PGPEP1: variants seen among roughly 807,000 people sequenced by gnomAD.
PGPEP1 encodes pyroglutamyl-peptidase I.
In PGPEP1, 15 loss-of-function variants were observed where a neutral mutation model predicts 24.1. That is an observed-to-expected ratio of 0.62 (90% CI 0.42 to 0.96). PGPEP1 has a LOEUF of 0.96. PGPEP1 is among the 40% of genes least tolerant of loss of function. The probability of loss-of-function intolerance (pLI) is 0.00; values close to 1 mark genes in which losing one functional copy is unlikely to be tolerated. For synonymous variants in PGPEP1, 122 were observed against 116.4 expected (o/e 1.05, Z -0.31); for missense variants, 242 against 273.4 (o/e 0.89, Z 0.81).
chr19:18,342,769 T>C lies in PGPEP1; in HGVS notation c.35-90T>C. On this transcript the variant is annotated intron_variant, in intron 1 of 4. Coordinates refer to ENST00000269919, the MANE Select transcript of PGPEP1 (RefSeq NM_017712.4). Reference sequence around the variant, plus strand: ...GCAGCTGCGCCCTGAAGCTCCTTTCTTGCTTCTCCAGGTGGGAGTAGCGGC... The same window carrying C: ...GCAGCTGCGCCCTGAAGCTCCTTTCCTGCTTCTCCAGGTGGGAGTAGCGGC... 5.0e-6 allele frequency: 5 copies of C among 999,458 alleles called. 1 individual carries two copies. The highest frequency in any genetic ancestry group is 3.2e-5 in the African/African-American group (2 of 63,036). The allele number at this position is 999,458 out of a possible 1,614,324, so 61.9% of individuals were successfully genotyped here.
At chr19:18,353,869 A>G (rs1274967376) in intron 2 of PGPEP1, among the ~76,000 whole-genome samples, 1 of 152,026 alleles carries the variant, frequency 6.6e-6, no homozygotes, top group East Asian at 1.9e-4. Context: ...GATGGACCAT[A>G]TTTCATTTAT....
chr19:18,354,007 G>A (rs1251009316), intron 2 of PGPEP1, among the ~76,000 whole-genome samples: 2 of 152,140 alleles, frequency 1.3e-5, no homozygotes. Flanking sequence ...GGCCAAGGCA[G>A]GTGAATCACT....
chr19:18,360,416 G>A (rs1027210596), intron 4 of PGPEP1, among the ~76,000 whole-genome samples: 1 of 152,026 alleles, frequency 6.6e-6, no homozygotes, highest in Non-Finnish European at 1.5e-5. Context: ...GAGTGCAGTG[G>A]CAAAATCACA....
chr19:18,358,253 CTTTTTT>C (rs58979840), intron 4 of PGPEP1, among the ~76,000 whole-genome samples: 1 of 64,482 alleles, frequency 1.6e-5, no homozygotes, highest in East Asian at 4.6e-4. Flanking sequence ...TCCAGTATGA[CTTTTTT>C]TTTTTTTTTT....
chr19:18,346,434 G>A lies in PGPEP1; in HGVS notation c.87+3523G>A, dbSNP rs183000709. On this transcript the variant is annotated intron_variant, in intron 2 of 4. Coordinates refer to ENST00000269919, the MANE Select transcript of PGPEP1 (RefSeq NM_017712.4). Reference sequence around the variant, plus strand: ...GTGGCAATTGCTTCCTGCCGTGACCGATTTTTCGGAAGCTCCTCATCCTTC... The same window carrying A: ...GTGGCAATTGCTTCCTGCCGTGACCAATTTTTCGGAAGCTCCTCATCCTTC... Among the ~76,000 whole-genome samples, 8 of 152,178 alleles carry A rather than the reference G, an allele frequency of 5.3e-5. 1 individual carries two copies. In the South Asian group the frequency reaches 6.2e-4, roughly 12 times the overall value.
chr19:18,347,270 CT>C (rs59936417), intron 2 of PGPEP1, among the ~76,000 whole-genome samples: 1,875 of 94,334 alleles, frequency 0.02, 43 homozygotes, highest in African/African-American at 0.063. Flanking sequence ...TTCTTTCTTT[CT>C]TTTTTTTTTT....
Position 18,366,109 on chromosome 19 carries a change from C to T in PGPEP1, c.*2526C>T, listed in dbSNP as rs1271012289. On this transcript the variant is annotated 3_prime_UTR_variant, in exon 5 of 5. Transcript: ENST00000269919. ...CACCCAGAGGTCTGGTGGAAAGCAA[C>T]TTCAGGTTTCATCTTGCTCTATTCC... The T allele has an allele frequency of 6.6e-6, 1 of 152,156 alleles. No individual in the cohort carries two copies. Among genetic ancestry groups the T allele is most frequent in the Non-Finnish European group, 1.5e-5 (1 of 68,056 alleles). 9.4% of individuals were successfully genotyped at this position (152,156 alleles called of 1,614,324 possible). A position where few individuals can be genotyped will look rare whatever the true frequency, so the allele number is the denominator to read the frequency against.
intron 2 of PGPEP1, among the ~76,000 whole-genome samples, chr19:18,351,617 T>G (rs367559154): frequency 0.043 from 4,019 of 93,968 alleles, 218 homozygotes; most frequent in African/African-American, 0.15. Flanking sequence ...AAAGCAAAAC[T>G]CCGTCTCAAA....
Position 18,369,328 on chromosome 19 carries a change from C to T in PGPEP1, c.*5745C>T, listed in dbSNP as rs1971641754. 6.6e-6 allele frequency: 1 copy of T among 152,588 alleles called. No homozygotes were observed. Among genetic ancestry groups the T allele is most frequent in the Admixed American group, 6.5e-5 (1 of 15,268 alleles). The allele number at this position is 152,588 out of a possible 1,614,324, so 9.5% of individuals were successfully genotyped here. A position where few individuals can be genotyped will look rare whatever the true frequency, so the allele number is the denominator to read the frequency against. On this transcript the variant is annotated 3_prime_UTR_variant, in exon 5 of 5. Transcript: ENST00000269919. ...TGCTCTTTCTCCCCGCTGTGCCTCC[C>T]CCAGTTACCCACAGAAGTGCCTGCC...
intron 2 of PGPEP1, among the ~76,000 whole-genome samples, chr19:18,343,679 CTTTTTTT>C (rs3078437): frequency 1.1e-4 from 13 of 115,068 alleles, no homozygotes; most frequent in Admixed American, 1.0e-3. Context: ...GGATCTCCCT[CTTTTTTT>C]TTTTTTTTTT....
At chr19:18,349,091 A>G (rs8102906) in intron 2 of PGPEP1, 262,831 of 977,908 alleles carry the variant, frequency 0.27, 36,828 homozygotes, top group African/African-American at 0.36. Flanking sequence ...AAACACACAC[A>G]TGAACACCTC....
intron 2 of PGPEP1, among the ~76,000 whole-genome samples, chr19:18,350,457 G>GT (rs1414404748): frequency 6.6e-6 from 1 of 152,222 alleles, no homozygotes; most frequent in Non-Finnish European, 1.5e-5. Context: ...AGGCTTCAGT[G>GT]TAACGATCTC....
chr19:18,360,816 C>T (rs752406382), intron 4 of PGPEP1, among the ~76,000 whole-genome samples: 7 of 151,644 alleles, frequency 4.6e-5, no homozygotes, highest in Non-Finnish European at 1.0e-4. Flanking sequence ...TGAGCCACCG[C>T]GCCTGGCCTA....
Position 18,357,412 on chromosome 19 carries a change from G to A in PGPEP1, c.234G>A (p.Met78Ile), listed in dbSNP as rs1317969513. 1 of 1,613,950 alleles carries A rather than the reference G, an allele frequency of 6.2e-7. No individual in the cohort carries two copies. Among genetic ancestry groups the A allele is most frequent in the Non-Finnish European group, 8.5e-7 (1 of 1,179,948 alleles). The change falls in exon 4 of 5, where the codon ATG becomes ATA. Residue 78 changes from methionine to isoleucine, a missense_variant. Physicochemically the swap from Met to Ile is conservative, Grantham distance 10 (BLOSUM62 1). Transcript: ENST00000269919. ...QLVVHVGVSG[M>I]ATTVTLEKCG... is the part of the protein sequence containing the mutation. ...TGGTGCATGTGGGGGTGTCAGGCAT[G>A]GCGACCACAGTCACACTGGAGAAAT...
intron 2 of PGPEP1, among the ~76,000 whole-genome samples, chr19:18,344,909 G>A (rs1970789375): frequency 6.6e-6 from 1 of 152,112 alleles, no homozygotes. Flanking sequence ...TTCTCGGATG[G>A]TGAAGGATGG....
At chr19:18,352,762 A>G (rs536141908) in intron 2 of PGPEP1, among the ~76,000 whole-genome samples, 1 of 151,898 alleles carries the variant, frequency 6.6e-6, no homozygotes. Flanking sequence ...TTCCATGTTG[A>G]CCAGGGTAGT....
At chr19:18,341,911 A>G (rs1414466805) in intron 1 of PGPEP1, among the ~76,000 whole-genome samples, 1 of 144,684 alleles carries the variant, frequency 6.9e-6, no homozygotes, top group African/African-American at 2.5e-5. Context: ...GATGGACCGT[A>G]TTTTTTTTTT....
intron 4 of PGPEP1, among the ~76,000 whole-genome samples, chr19:18,361,120 C>G (rs900598275): frequency 5.3e-5 from 8 of 151,804 alleles, no homozygotes; most frequent in African/African-American, 1.7e-4. Context: ...GTGTGAGCCT[C>G]CGCACCCAGC....
Position 18,364,082 on chromosome 19 carries a change from G to GGCTTTCTTTCTTTCTTTCTTTCTTTCTT in PGPEP1, c.*500_*527dup. The GGCTTTCTTTCTTTCTTTCTTTCTTTCTT allele has an allele frequency of 1.8e-5, 2 of 111,428 alleles. No individual in the cohort carries two copies. Among genetic ancestry groups the GGCTTTCTTTCTTTCTTTCTTTCTTTCTT allele is most frequent in the African/African-American group, 9.4e-5 (2 of 21,348 alleles). 6.9% of individuals were successfully genotyped at this position (111,428 alleles called of 1,614,324 possible). A position where few individuals can be genotyped will look rare whatever the true frequency, so the allele number is the denominator to read the frequency against. On this transcript the variant is annotated 3_prime_UTR_variant, in exon 5 of 5. Coordinates refer to ENST00000269919, the MANE Select transcript of PGPEP1 (RefSeq NM_017712.4). Reference sequence around the variant, plus strand: ...CACCCTGGGATATGGCTGGCTGGCTGGCTTTCTTTCTTTCTTTCTTTCTTT... The same window carrying GGCTTTCTTTCTTTCTTTCTTTCTTTCTT: ...CACCCTGGGATATGGCTGGCTGGCTGGCTTTCTTTCTTTCTTTCTTTCTTTCTTGCTTTCTTTCTTTCTTTCTTTCTTT...
Sources: gnomAD v4.1 joint callset for allele counts (sites outside exome capture counted in the v4.1 genomes callset) on GRCh38, gnomAD v4.1.1 for gene constraint, MANE v1.5 for transcripts, NCBI Gene and HGNC (gene_info 2026-07-23, HGNC 2026-07-21) for gene names.